Variants in AKAP6 observed in about 807,000 individuals in gnomAD.
AKAP6 encodes the protein A-kinase anchoring protein 6, also known as A-kinase anchor protein 6.
A neutral mutation model predicts 188.5 loss-of-function variants in AKAP6; 58 were observed. The observed-to-expected ratio is 0.31, with a 90% CI of 0.25 to 0.38. The LOEUF (loss-of-function observed/expected upper bound fraction) is 0.38. Ranked by LOEUF, AKAP6 falls within the 10% of genes least tolerant of loss-of-function variation. The pLI, the probability that AKAP6 is intolerant of heterozygous loss-of-function variation, is 1.00. For synonymous variants in AKAP6, 989 were observed against 998.6 expected (o/e 0.99, Z 0.18); for missense variants, 2,710 against 2,740.0 (o/e 0.99, Z 0.24).
At position 32,649,883 on chromosome 14, in the gene AKAP6, G is replaced by T. The variant is rs201789052; in HGVS notation, c.2731-28428G>T. On this transcript the variant is annotated intron_variant, in intron 7 of 13. Transcript: ENST00000280979. ...TTTAACAAATGACGAGAAGGCACAA[G>T]ATTGTGTTGTAGAGGAAAGTTCCTT... 6.6e-5 allele frequency among the ~76,000 whole-genome samples: 10 copies of T among 152,300 alleles called. No homozygotes were observed. In the East Asian group the frequency reaches 1.9e-3, roughly 29 times the overall value.
chr14:32,736,372 A>G (rs917157153), intron 11 of AKAP6, among the ~76,000 whole-genome samples: 3 of 152,300 alleles, frequency 2.0e-5, no homozygotes, highest in Admixed American at 6.5e-5. Context: ...AAGTTCACAC[A>G]TTACAGGCAT....
intron 2 of AKAP6, among the ~76,000 whole-genome samples, chr14:32,438,076 C>G (rs1890446329): frequency 6.6e-6 from 1 of 152,172 alleles, no homozygotes; most frequent in African/African-American, 2.4e-5. Context: ...TGGTCAGTGC[C>G]TTCTTTCCCC....
chr14:32,798,507 T>C (rs574443916), intron 12 of AKAP6, among the ~76,000 whole-genome samples: 16 of 152,056 alleles, frequency 1.1e-4, no homozygotes, highest in African/African-American at 3.6e-4. Flanking sequence ...ATAAAGAAAA[T>C]GTGGTACATA....
At chr14:32,641,962 A>G (rs4981995) in intron 7 of AKAP6, among the ~76,000 whole-genome samples, 94,537 of 151,944 alleles carry the variant, frequency 0.62, 30,689 homozygotes, top group East Asian at 0.94. Flanking sequence ...ATACATGAAG[A>G]TATCTTAAAG....
At chr14:32,689,728 T>G (rs924946257) in intron 8 of AKAP6, among the ~76,000 whole-genome samples, 2 of 152,118 alleles carry the variant, frequency 1.3e-5, no homozygotes, top group Non-Finnish European at 2.9e-5. Flanking sequence ...CCTTCTGTGC[T>G]TATATGACAC....
intron 12 of AKAP6, among the ~76,000 whole-genome samples, chr14:32,797,695 A>T (rs1464962301): frequency 6.6e-6 from 1 of 151,710 alleles, no homozygotes; most frequent in East Asian, 2.0e-4. Flanking sequence ...AGGTGATGGG[A>T]TGATCTGTGC....
At chr14:32,718,567 G>T (rs1456766528) in intron 9 of AKAP6, among the ~76,000 whole-genome samples, 24 of 152,132 alleles carry the variant, frequency 1.6e-4, no homozygotes, top group Admixed American at 1.6e-3. Context: ...AATATTCAAA[G>T]AACTACTGCC....
At chr14:32,422,703 T>C (rs1345575148) in intron 1 of AKAP6, among the ~76,000 whole-genome samples, 5 of 152,120 alleles carry the variant, frequency 3.3e-5, no homozygotes, top group Non-Finnish European at 7.4e-5. Context: ...GTCACCTTAT[T>C]AGCATACACT....
intron 1 of AKAP6, among the ~76,000 whole-genome samples, chr14:32,362,025 T>G (rs1594541119): frequency 6.6e-6 from 1 of 152,130 alleles, no homozygotes; most frequent in East Asian, 1.9e-4. Context: ...AATGATTGAT[T>G]TTAAACAATT....
intron 11 of AKAP6, among the ~76,000 whole-genome samples, chr14:32,739,014 A>G (rs1194221332): frequency 6.6e-6 from 1 of 152,128 alleles, no homozygotes; most frequent in Non-Finnish European, 1.5e-5. Flanking sequence ...AAGCATGGGA[A>G]TAGATACAGT....
chr14:32,396,923 T>C (rs984820000), intron 1 of AKAP6, among the ~76,000 whole-genome samples: 10 of 152,218 alleles, frequency 6.6e-5, no homozygotes, highest in Admixed American at 5.2e-4. Flanking sequence ...TAAAGTGTTC[T>C]AACTTATTAA....
intron 1 of AKAP6, among the ~76,000 whole-genome samples, chr14:32,394,389 A>G (rs182302225): frequency 7.5e-4 from 114 of 152,320 alleles, no homozygotes; most frequent in East Asian, 6.8e-3. Context: ...AGGGAGATAA[A>G]GGTCCAAAAC....
chr14:32,652,778 T>C (rs1566627001), intron 7 of AKAP6, among the ~76,000 whole-genome samples: 1 of 152,154 alleles, frequency 6.6e-6, no homozygotes, highest in Non-Finnish European at 1.5e-5. Flanking sequence ...ATTAGAGTGG[T>C]GCAGTGGCTC....
intron 1 of AKAP6, among the ~76,000 whole-genome samples, chr14:32,393,415 G>A (rs1163712279): frequency 6.6e-6 from 1 of 152,088 alleles, no homozygotes; most frequent in African/African-American, 2.4e-5. Flanking sequence ...GTCTTGGATT[G>A]GGGCAGACTA....
intron 2 of AKAP6, among the ~76,000 whole-genome samples, chr14:32,461,621 G>A (rs1051960056): frequency 6.6e-6 from 1 of 152,032 alleles, no homozygotes. Flanking sequence ...CAGAGATCAG[G>A]AAAAACCAGT....
In AKAP6 at chr14:32,389,671, G is replaced by A. The variant is rs187285167; in HGVS notation, c.-34-43789G>A. Among the ~76,000 whole-genome samples the A allele has an allele frequency of 8.9e-4, 136 of 152,190 alleles. 1 individual carries two copies. In the East Asian group the frequency reaches 0.022, roughly 24 times the overall value. ...TTTGTCTGAGGAGGCTGAAGATAGG[G>A]TCCCCATCCCTTCTAGCTTGTAGGG... is the stretch of plus-strand genomic sequence containing the variant. On this transcript the variant is annotated intron_variant, in intron 1 of 13. Coordinates refer to ENST00000280979, the MANE Select transcript of AKAP6 (RefSeq NM_004274.5).
At chr14:32,610,183 A>T (rs1328374693) in intron 7 of AKAP6, among the ~76,000 whole-genome samples, 2 of 152,150 alleles carry the variant, frequency 1.3e-5, no homozygotes, top group Admixed American at 1.3e-4. Context: ...AAAAAAACTT[A>T]GGTTCCAAAC....
At chr14:32,552,185 T>A (rs529667240) in intron 4 of AKAP6, among the ~76,000 whole-genome samples, 1 of 152,210 alleles carries the variant, frequency 6.6e-6, no homozygotes, top group Non-Finnish European at 1.5e-5. Context: ...AAACTGAGTT[T>A]AGAAAGATGA....
Position 32,824,637 on chromosome 14 carries a change from C to T in AKAP6, c.6824C>T (p.Ser2275Phe). ...GAACATAATGCTGCTTCAGCCAAATCTAAAGTTCAAGACCTCTCCTTGAAG... is the reference window on the plus strand; with the variant it reads ...GAACATAATGCTGCTTCAGCCAAATTTAAAGTTCAAGACCTCTCCTTGAAG... ...PEEHNAASAK[S>F]KVQDLSLKAN... Residue 2275 changes from serine (S) to phenylalanine (F), a missense_variant, in exon 13 of 14, where the codon TCT (serine) becomes TTT (phenylalanine). Ser to Phe is a radical substitution (Grantham distance 155). Transcript: ENST00000280979. 2 of 1,613,924 alleles carry T rather than the reference C, an allele frequency of 1.2e-6. No homozygotes were observed. Among genetic ancestry groups the T allele is most frequent in the East Asian group, 4.5e-5 (2 of 44,880 alleles).
Sources: allele counts gnomAD v4.1 joint callset (sites outside exome capture counted in the v4.1 genomes callset), GRCh38; gene constraint gnomAD v4.1.1; transcripts MANE v1.5; gene names NCBI Gene and HGNC (gene_info 2026-07-23, HGNC 2026-07-21).